The following PHLPP1 variants were observed in gnomAD, a reference collection of about 807,000 sequenced individuals.
The protein encoded by PHLPP1 is PH domain and leucine rich repeat protein phosphatase 1.
PHLPP1 carries 42 observed loss-of-function variants against 117.2 expected under a neutral mutation model. The ratio of observed to expected loss-of-function variants is 0.36; its 90% CI spans 0.28 to 0.46. PHLPP1 has a LOEUF of 0.46. Ranked by LOEUF, PHLPP1 falls within the 20% of genes least tolerant of loss-of-function variation. The pLI is 1.00. For missense variants in PHLPP1, 2,084 were observed against 2,241.9 expected (o/e 0.93, Z 1.42); for synonymous variants, 1,042 against 970.7 (o/e 1.07, Z -1.37).
At chr18:62,837,300 T>C (rs559936392) in intron 2 of PHLPP1, among the ~76,000 whole-genome samples, 1 of 152,340 alleles carries the variant, frequency 6.6e-6, no homozygotes, top group African/African-American at 2.4e-5. Context: ...GATAGGACTA[T>C]TTAGGCTTTT....
At chr18:62,806,891 C>T (rs1167089972) in intron 1 of PHLPP1, among the ~76,000 whole-genome samples, 2 of 152,054 alleles carry the variant, frequency 1.3e-5, no homozygotes, top group African/African-American at 4.8e-5. Context: ...TAAAGAGAGT[C>T]AGAACTATTT....
chr18:62,842,144 T>C (rs1349616069), intron 3 of PHLPP1, among the ~76,000 whole-genome samples: 1 of 152,232 alleles, frequency 6.6e-6, no homozygotes, highest in South Asian at 2.1e-4. Context: ...TTTATGATGG[T>C]CATCCTTGAT....
intron 1 of PHLPP1, among the ~76,000 whole-genome samples, chr18:62,794,422 A>G (rs1259601781): frequency 1.3e-5 from 2 of 151,660 alleles, no homozygotes; most frequent in Non-Finnish European, 2.9e-5. Flanking sequence ...TGCTGAGTGC[A>G]GTAGCACAGT....
intron 2 of PHLPP1, among the ~76,000 whole-genome samples, chr18:62,832,544 C>T (rs1914787069): frequency 3.3e-5 from 5 of 152,174 alleles, no homozygotes; most frequent in Admixed American, 3.3e-4. Context: ...AGGTCTGTTA[C>T]TGGATGGTCT....
At chr18:62,970,391 C>A (rs1414186304) in intron 14 of PHLPP1, among the ~76,000 whole-genome samples, 1 of 152,136 alleles carries the variant, frequency 6.6e-6, no homozygotes, top group Non-Finnish European at 1.5e-5. Context: ...CCAGATAATT[C>A]TTTGTTGTTG....
At chr18:62,793,366 G>C (rs1913519684) in intron 1 of PHLPP1, among the ~76,000 whole-genome samples, 1 of 152,136 alleles carries the variant, frequency 6.6e-6, no homozygotes, top group Non-Finnish European at 1.5e-5. Flanking sequence ...ACCACCTGCT[G>C]CTGTTTCGCC....
intron 1 of PHLPP1, among the ~76,000 whole-genome samples, chr18:62,724,273 TTACTC>T (rs1347494300): frequency 2.0e-5 from 3 of 152,238 alleles, no homozygotes; most frequent in African/African-American, 7.2e-5. Context: ...TTCATCAAGT[TTACTC>T]TAATAACTGT....
At chr18:62,816,374 A>G (rs1388862748) in intron 1 of PHLPP1, among the ~76,000 whole-genome samples, 1 of 152,084 alleles carries the variant, frequency 6.6e-6, no homozygotes, top group East Asian at 1.9e-4. Flanking sequence ...GACCAGCCCA[A>G]GTAACACTGT....
intron 12 of PHLPP1, among the ~76,000 whole-genome samples, chr18:62,958,294 G>T (rs1910676054): frequency 6.6e-6 from 1 of 152,178 alleles, no homozygotes; most frequent in African/African-American, 2.4e-5. Flanking sequence ...AGTTCTCATG[G>T]CACGGAGATT....
intron 1 of PHLPP1, chr18:62,731,211 T>G (rs1236486573): frequency 6.6e-6 from 1 of 151,604 alleles, no homozygotes; most frequent in Non-Finnish European, 1.5e-5. Flanking sequence ...TTTTCATTGT[T>G]TATAATTTTT....
intron 6 of PHLPP1, among the ~76,000 whole-genome samples, chr18:62,898,001 A>G (rs1380146110): frequency 1.3e-5 from 1 of 79,822 alleles, no homozygotes; most frequent in Non-Finnish European, 3.8e-5. Context: ...GGCATCATTA[A>G]TAATTCCTCC....
At position 62,898,287 on chromosome 18, in the gene PHLPP1, C is replaced by G. The variant is rs1916619921; in HGVS notation, c.2444+2276C>G. Among the ~76,000 whole-genome samples the G allele has an allele frequency of 2.0e-5, 3 of 152,216 alleles. No homozygotes were observed. In the South Asian group the frequency reaches 6.2e-4, roughly 32 times the overall value. On this transcript the variant is annotated intron_variant, in intron 6 of 16. Transcript: ENST00000262719. ...AAAACAGAGTTCAGTGTCTTTCTTA[C>G]TCAACCAATTCTTTCTCATGGATTT...
In PHLPP1 at chr18:62,978,491, T is replaced by C; in HGVS notation, c.4214T>C (p.Leu1405Pro). 1 of 1,609,098 alleles carries C rather than the reference T, an allele frequency of 6.2e-7. No homozygotes were observed. Among genetic ancestry groups the C allele is most frequent in the South Asian group, 1.1e-5 (1 of 90,294 alleles). Residue 1405 changes from leucine to proline, a missense_variant, in exon 17 of 17, where the codon CTG (leucine) becomes CCG (proline). Leu to Pro is a moderately conservative substitution (Grantham distance 98, BLOSUM62 -3). Around this residue, in one of 2 missense-constraint regions of PHLPP1, gnomAD observed 1,365 missense variants for 1,605.9 expected, o/e 0.85. Coordinates refer to ENST00000262719, the MANE Select transcript of PHLPP1 (RefSeq NM_194449.4). The surrounding 1 kb of genome is among the most constrained non-coding windows in gnomAD (Gnocchi z 7.0). ...ALAAAKKLCT[L>P]AQSYGCHDSI... ...GCTGCTGCCAAGAAGCTGTGTACCC[T>C]GGCCCAGAGCTACGGCTGCCACGAC... is the stretch of plus-strand genomic sequence containing the variant.
intron 1 of PHLPP1, among the ~76,000 whole-genome samples, chr18:62,739,879 G>C (rs534303096): frequency 6.6e-6 from 1 of 152,002 alleles, no homozygotes; most frequent in Non-Finnish European, 1.5e-5. Flanking sequence ...GCTTTTTCTC[G>C]AGCTCATCAA....
intron 4 of PHLPP1, among the ~76,000 whole-genome samples, chr18:62,889,990 T>C (rs146047325): frequency 1.3e-5 from 2 of 152,142 alleles, no homozygotes; most frequent in African/African-American, 4.8e-5. Flanking sequence ...GGTATTATAC[T>C]GGACCTTGCA....
chr18:62,789,311 G>A (rs1913390186), intron 1 of PHLPP1, among the ~76,000 whole-genome samples: 1 of 151,480 alleles, frequency 6.6e-6, no homozygotes, highest in African/African-American at 2.4e-5. Context: ...AAGAATCGTT[G>A]CTTGAAAAAA....
At chr18:62,880,875 G>C (rs1206944211) in intron 4 of PHLPP1, among the ~76,000 whole-genome samples, 1 of 152,160 alleles carries the variant, frequency 6.6e-6, no homozygotes, top group East Asian at 1.9e-4. Context: ...ATCTAGAGTG[G>C]TTCTCTATGT....
chr18:62,837,544 A>G (rs1267157826), intron 2 of PHLPP1: 1 of 152,002 alleles, frequency 6.6e-6, no homozygotes, highest in Non-Finnish European at 1.5e-5. Context: ...TTGAAGAATC[A>G]GTATTTTGCT....
At chr18:62,733,971 T>C (rs1208577399) in intron 1 of PHLPP1, among the ~76,000 whole-genome samples, 1 of 152,220 alleles carries the variant, frequency 6.6e-6, no homozygotes, top group Non-Finnish European at 1.5e-5. Flanking sequence ...TGGGCTCTAT[T>C]TGTATTATAG....
Sources: allele counts gnomAD v4.1 joint callset (sites outside exome capture counted in the v4.1 genomes callset), GRCh38; gene constraint gnomAD v4.1.1; regional missense constraint gnomAD v4.1.1; non-coding constraint Gnocchi (gnomAD v3.1); transcripts MANE v1.5; gene names NCBI Gene and HGNC (gene_info 2026-07-23, HGNC 2026-07-21).